The following KDM4B variants were observed in gnomAD, a reference collection of about 807,000 sequenced individuals.
The protein encoded by KDM4B is lysine demethylase 4B.
A neutral mutation model predicts 125.2 loss-of-function variants in KDM4B; 32 were observed. The ratio of observed to expected loss-of-function variants is 0.26; its 90% CI spans 0.19 to 0.34. KDM4B has a LOEUF of 0.34. Ranked by LOEUF, KDM4B falls within the 10% of genes least tolerant of loss-of-function variation. The pLI, the probability that KDM4B is intolerant of heterozygous loss-of-function variation, is 1.00. For synonymous variants in KDM4B, 721 were observed against 677.9 expected (o/e 1.06, Z -0.99); for missense variants, 1,190 against 1,577.7 (o/e 0.75, Z 4.16).
intron 6 of KDM4B, among the ~76,000 whole-genome samples, chr19:5,070,086 C>T (rs1051439836): frequency 1.3e-5 from 2 of 152,112 alleles, no homozygotes; most frequent in Admixed American, 6.6e-5. Flanking sequence ...GAGCTGTTGG[C>T]CTTGTTACTC....
intron 1 of KDM4B, among the ~76,000 whole-genome samples, chr19:4,978,606 C>A (rs1171574737): frequency 6.6e-6 from 1 of 151,386 alleles, no homozygotes; most frequent in African/African-American, 2.4e-5. Context: ...ATTTTTTTGG[C>A]CCCTCTAGCC....
In KDM4B at chr19:5,144,107, T is replaced by C. The variant is rs1361145541; in HGVS notation, c.2691T>C (p.Tyr897=). Residue 897 remains tyrosine (Y), a synonymous_variant, in exon 19 of 23, where the codon TAT becomes TAC. Coordinates refer to ENST00000159111, the MANE Select transcript of KDM4B (RefSeq NM_015015.3). ...GVLMEPDDWP[Y]VVSITCLKHK... Reference sequence around the variant, plus strand: ...TCATGGAGCCGGACGACTGGCCCTATGTGGTCTCCATCACCTGCCTCAAGC... The same window carrying C: ...TCATGGAGCCGGACGACTGGCCCTACGTGGTCTCCATCACCTGCCTCAAGC... 6.2e-7 allele frequency: 1 copy of C among 1,603,152 alleles called. No individual in the cohort carries two copies. The highest frequency in any genetic ancestry group is 1.3e-5 in the African/African-American group (1 of 74,816).
intron 8 of KDM4B, chr19:5,077,721 C>T (rs2038163524): frequency 1.0e-5 from 5 of 477,062 alleles, no homozygotes; most frequent in Non-Finnish European, 1.9e-5. Flanking sequence ...AAACTTCCTC[C>T]TGGGTGTGGC....
chr19:5,039,552 C>A (rs2036737223), intron 3 of KDM4B, among the ~76,000 whole-genome samples: 1 of 152,228 alleles, frequency 6.6e-6, no homozygotes, highest in Non-Finnish European at 1.5e-5. Flanking sequence ...TGAGTCTAAT[C>A]CTGCACACAC....
At position 5,119,643 on chromosome 19, in the gene KDM4B, C is replaced by T; in HGVS notation, c.1116-10C>T. The T allele has an allele frequency of 6.4e-7, 1 of 1,553,074 alleles. No homozygotes were observed. The highest frequency in any genetic ancestry group is 8.7e-7 in the Non-Finnish European group (1 of 1,147,978). On this transcript the variant is annotated splice_polypyrimidine_tract_variant and intron_variant, in intron 10 of 22. Transcript: ENST00000159111. ...GTCTCCCCTCCTGCCTGATAAACCTCCCTCTCCAGGTCTCACCGGAAACGG... is the reference window on the plus strand; with the variant it reads ...GTCTCCCCTCCTGCCTGATAAACCTTCCTCTCCAGGTCTCACCGGAAACGG...
intron 11 of KDM4B, among the ~76,000 whole-genome samples, chr19:5,125,858 G>A (rs1423819929): frequency 6.6e-6 from 1 of 152,002 alleles, no homozygotes; most frequent in African/African-American, 2.4e-5. Context: ...AGGGGTGGGC[G>A]TTTTCTTGGA....
intron 9 of KDM4B, among the ~76,000 whole-genome samples, chr19:5,106,438 C>G (rs1013164708): frequency 6.6e-6 from 1 of 152,190 alleles, no homozygotes; most frequent in Non-Finnish European, 1.5e-5. Flanking sequence ...CTGCTCAGCT[C>G]CTCCTTGCAT....
chr19:5,142,722 G>A lies in KDM4B; in HGVS notation c.2551-1245G>A, dbSNP rs922546502. Among the ~76,000 whole-genome samples the A allele has an allele frequency of 3.9e-5, 6 of 152,214 alleles. No individual in the cohort carries two copies. The East Asian group carries it at 9.7e-4, about 25-fold the overall frequency. On this transcript the variant is annotated intron_variant, in intron 18 of 22. Transcript: ENST00000159111. This position sits in a 1 kb window ranked among gnomAD's most constrained non-coding sequence, Gnocchi z 5.4. ...GGCTACTCTGCCGGAGGGGGAGGCC[G>A]TGCTGGAGTGATGCCTGGCGCGTGT...
At chr19:5,080,358 C>T (rs1406173357) in intron 8 of KDM4B, among the ~76,000 whole-genome samples, 2 of 152,210 alleles carry the variant, frequency 1.3e-5, no homozygotes, top group African/African-American at 2.4e-5. Flanking sequence ...ATCAGCAGGC[C>T]TGAGAACTCC....
intron 6 of KDM4B, among the ~76,000 whole-genome samples, chr19:5,053,424 T>C (rs1288973538): frequency 1.3e-5 from 2 of 152,196 alleles, no homozygotes; most frequent in African/African-American, 4.8e-5. Context: ...AGAAGCGGTT[T>C]AGAACAGAGA....
chr19:4,985,862 T>C (rs2034811001), intron 1 of KDM4B, among the ~76,000 whole-genome samples: 1 of 152,210 alleles, frequency 6.6e-6, no homozygotes, highest in Non-Finnish European at 1.5e-5. Context: ...TGTCTGTCTC[T>C]GGCCAAGGCT....
intron 6 of KDM4B, among the ~76,000 whole-genome samples, chr19:5,052,312 A>G (rs1484542279): frequency 7.6e-6 from 1 of 132,364 alleles, no homozygotes; most frequent in Non-Finnish European, 1.6e-5. Flanking sequence ...GTGTGTGTGC[A>G]TGGGCGCATG....
intron 9 of KDM4B, among the ~76,000 whole-genome samples, chr19:5,093,266 A>C (rs370510699): frequency 5.3e-5 from 8 of 152,276 alleles, no homozygotes; most frequent in African/African-American, 1.9e-4. Flanking sequence ...GGCTACTTTC[A>C]TTTAGGGAGG....
At chr19:5,038,870 C>T (rs1427953331) in intron 3 of KDM4B, among the ~76,000 whole-genome samples, 2 of 152,266 alleles carry the variant, frequency 1.3e-5, no homozygotes, top group Admixed American at 1.3e-4. Context: ...ACCCTCCCTG[C>T]GCCTGCACTT....
Position 5,138,077 on chromosome 19 carries a change from C to T in KDM4B, c.2550+7C>T. The T allele has an allele frequency of 1.2e-6, 2 of 1,607,734 alleles. No homozygotes were observed. The highest frequency in any genetic ancestry group is 8.5e-7 in the Non-Finnish European group (1 of 1,177,084). On this transcript the variant is annotated splice_region_variant and intron_variant, in intron 18 of 22. Coordinates refer to ENST00000159111, the MANE Select transcript of KDM4B (RefSeq NM_015015.3). ...CGAGCAGCGGTGGAAGCTGGTAGGT[C>T]CTTGCGGTCGAGGCCCACCCTGCCC...
rs371369595 is a variant in KDM4B, at chr19:5,040,696, T to TCTGTGGCCTCCACCCTGC, written c.318-424_318-423insCCTGTGGCCTCCACCCTG. Among the ~76,000 whole-genome samples the TCTGTGGCCTCCACCCTGC allele has an allele frequency of 5.8e-3, 885 of 152,302 alleles. 12 individuals carry two copies. The highest frequency in any genetic ancestry group is 0.021 in the African/African-American group (860 of 41,560). On this transcript the variant is annotated intron_variant, in intron 4 of 22. Coordinates refer to ENST00000159111, the MANE Select transcript of KDM4B (RefSeq NM_015015.3). ...CTCTCTGTCTGTGGCCTCCACCCTG[T>TCTGTGGCCTCCACCCTGC]CTGTGGCCTCCACCCTGTTGCTCTC...
intron 1 of KDM4B, among the ~76,000 whole-genome samples, chr19:4,978,066 TC>T (rs2034509714): frequency 6.6e-6 from 1 of 152,152 alleles, no homozygotes; most frequent in African/African-American, 2.4e-5. Flanking sequence ...ATTGTCTTGC[TC>T]AGGAGAGAGA....
chr19:5,047,169 C>T (rs926073122), intron 5 of KDM4B: 12 of 294,216 alleles, frequency 4.1e-5, no homozygotes, highest in Admixed American at 3.7e-4. Context: ...TGGTTTCTCA[C>T]GCCTATAGCC....
intron 9 of KDM4B, among the ~76,000 whole-genome samples, chr19:5,087,194 A>AG (rs1308811042): frequency 2.0e-5 from 3 of 152,200 alleles, no homozygotes; most frequent in African/African-American, 7.2e-5. Flanking sequence ...GCCATTGTCA[A>AG]GGAGGGGGTG....
Sources: allele counts gnomAD v4.1 joint callset (sites outside exome capture counted in the v4.1 genomes callset), GRCh38; gene constraint gnomAD v4.1.1; non-coding constraint Gnocchi (gnomAD v3.1); transcripts MANE v1.5; gene names NCBI Gene and HGNC (gene_info 2026-07-23, HGNC 2026-07-21).